The following ALMS1 variants were observed in gnomAD, a reference collection of about 807,000 sequenced individuals.
ALMS1 encodes the protein ALMS1 centrosome and basal body associated protein, also known as centrosome-associated protein ALMS1.
A neutral mutation model predicts 352.2 loss-of-function variants in ALMS1; 271 were observed. The observed-to-expected ratio is 0.77, with a 90% CI of 0.70 to 0.85. The LOEUF (loss-of-function observed/expected upper bound fraction) is 0.85, where lower values mean the gene tolerates loss of function less well. Ranked by LOEUF, ALMS1 falls within the 40% of genes least tolerant of loss-of-function variation. The pLI, the probability that ALMS1 is intolerant of heterozygous loss-of-function variation, is 0.00. For missense variants in ALMS1, 5,445 were observed against 4,870.7 expected (o/e 1.12, Z -3.51); for synonymous variants, 1,865 against 1,761.2 (o/e 1.06, Z -1.48).
Position 73,453,901 on chromosome 2 carries a change from TAGC to T in ALMS1, c.7377_7379del (p.Ser2459del), listed in dbSNP as rs1558651733. ...TTTCACCCAAGACAAGTATAACAGATAGCAGGGAGGAAGAGGGTGTGTCAGAGA... is the reference window on the plus strand; with the variant it reads ...TTTCACCCAAGACAAGTATAACAGATAGGGAGGAAGAGGGTGTGTCAGAGA... On this transcript the variant is annotated inframe_deletion, in exon 8 of 23. Coordinates refer to ENST00000613296, the MANE Select transcript of ALMS1 (RefSeq NM_001378454.1). The T allele has an allele frequency of 4.3e-6, 7 of 1,614,054 alleles. No individual in the cohort carries two copies. Among genetic ancestry groups the T allele is most frequent in the South Asian group, 1.1e-5 (1 of 91,070 alleles).
intron 2 of ALMS1, among the ~76,000 whole-genome samples, chr2:73,414,407 A>G (rs6726794): frequency 0.017 from 2,463 of 149,220 alleles, 68 homozygotes; most frequent in African/African-American, 0.057. Context: ...AGGACTTTAT[A>G]TGCAGAGTTA....
chr2:73,451,394 A>G lies in ALMS1; in HGVS notation c.4867A>G (p.Lys1623Glu). 1 of 1,613,972 alleles carries G rather than the reference A, an allele frequency of 6.2e-7. No homozygotes were observed. Among genetic ancestry groups the G allele is most frequent in the Non-Finnish European group, 8.5e-7 (1 of 1,179,974 alleles). ...GPLGSSALGE[K>E]PITFYRQALL... is the part of the protein sequence containing the mutation. ...TTTAGGTTCCAGTGCACTTGGAGAG[A>G]AGCCCATTACTTTCTACCGGCAGGC... The change falls in exon 8 of 23, where the codon AAG (lysine) becomes GAG (glutamate). Residue 1623 changes from lysine (K) to glutamate (E), a missense_variant. Transcript: ENST00000613296.
intron 9 of ALMS1, among the ~76,000 whole-genome samples, chr2:73,467,041 G>A (rs1230711155): frequency 1.3e-5 from 2 of 152,038 alleles, no homozygotes; most frequent in African/African-American, 4.8e-5. Context: ...ACTTTGAAAG[G>A]TAAAATAAAG....
chr2:73,450,768 C>G lies in ALMS1; in HGVS notation c.4241C>G (p.Pro1414Arg), dbSNP rs758836829. 3.7e-6 allele frequency: 6 copies of G among 1,613,204 alleles called. No individual in the cohort carries two copies. The Admixed American group carries it at 8.3e-5, about 22-fold the overall frequency. ...AAGAACGTTTCAGCGGTTCCTGGAC[C>G]AGGTGACCGGAAGACTGGGATACCA... The part of the protein sequence containing the change: ...EAKNVSAVPG[P>R]GDRKTGIPTL... The change falls in exon 8 of 23, where the codon CCA becomes CGA. Residue 1414 changes from proline to arginine, a missense_variant. Physicochemically the swap from Pro to Arg is moderately radical, Grantham distance 103. Transcript: ENST00000613296.
chr2:73,458,151 C>G (rs925592852), intron 9 of ALMS1: 4 of 148,532 alleles, frequency 2.7e-5, no homozygotes, highest in Non-Finnish European at 5.9e-5. Flanking sequence ...TTATGATTGA[C>G]TTTTTTCAGT....
At position 73,449,460 on chromosome 2, in the gene ALMS1, C is replaced by T; in HGVS notation, c.2933C>T (p.Ser978Phe). 1 of 1,614,068 alleles carries T rather than the reference C, an allele frequency of 6.2e-7. No individual in the cohort carries two copies. Among genetic ancestry groups the T allele is most frequent in the Non-Finnish European group, 8.5e-7 (1 of 1,179,986 alleles). ...CCAGACAGTGATCTACCTAGAGAAT[C>T]TCTGAAAATGTCTGCTATTCCTGGA... ...ELPDSDLPRESLKMSAIPGLT... is the reference protein window; with the variant it reads ...ELPDSDLPREFLKMSAIPGLT... The change falls in exon 8 of 23, where the codon TCT (serine) becomes TTT (phenylalanine). Residue 978 changes from serine to phenylalanine, a missense_variant. Ser to Phe is a radical substitution (Grantham distance 155, BLOSUM62 -2). Transcript: ENST00000613296.
chr2:73,534,759 C>T, intron 11 of ALMS1, 65 bp from the exon 12 acceptor site: 1 of 1,544,230 alleles, frequency 6.5e-7, no homozygotes, highest in East Asian at 2.3e-5. Context: ...AGAAGGCATT[C>T]CATATTTGTT....
At chr2:73,495,480 C>T (rs530130522) in intron 10 of ALMS1, among the ~76,000 whole-genome samples, 1 of 152,108 alleles carries the variant, frequency 6.6e-6, no homozygotes, top group Non-Finnish European at 1.5e-5. Context: ...AGGTGATCTG[C>T]CCACCTCGGC....
intron 1 of ALMS1, among the ~76,000 whole-genome samples, chr2:73,399,269 A>C (rs1458628255): frequency 6.6e-6 from 1 of 152,112 alleles, no homozygotes; most frequent in Non-Finnish European, 1.5e-5. Context: ...TATGACCTCC[A>C]ATACACTGTT....
intron 12 of ALMS1, among the ~76,000 whole-genome samples, chr2:73,540,742 G>A (rs972159554): frequency 6.6e-6 from 1 of 152,160 alleles, no homozygotes; most frequent in Non-Finnish European, 1.5e-5. Context: ...TGATAAAACA[G>A]ACTTTAAACC....
At chr2:73,437,641 A>G (rs1377501199) in intron 7 of ALMS1, among the ~76,000 whole-genome samples, 1 of 152,172 alleles carries the variant, frequency 6.6e-6, no homozygotes, top group African/African-American at 2.4e-5. Context: ...AAAATGGTAC[A>G]TCTCATTTCT....
chr2:73,449,084 G>T lies in ALMS1; in HGVS notation c.2557G>T (p.Val853Leu). 6.2e-7 allele frequency: 1 copy of T among 1,614,144 alleles called. No individual in the cohort carries two copies. Among genetic ancestry groups the T allele is most frequent in the Non-Finnish European group, 8.5e-7 (1 of 1,180,006 alleles). Residue 853 changes from valine to leucine, a missense_variant, in exon 8 of 23, where the codon GTA becomes TTA. By Grantham distance (32) the Val-to-Leu change is conservative. Transcript: ENST00000613296. Reference sequence around the variant, plus strand: ...TGACGGAAAGACTGGGACACCAGCTGTAACCTCTACTTCCTCTGCGTCCTC... The same window carrying T: ...TGACGGAAAGACTGGGACACCAGCTTTAACCTCTACTTCCTCTGCGTCCTC... The part of the protein sequence containing the change: ...PADGKTGTPA[V>L]TSTSSASSSL...
chr2:73,474,371 C>CTGTGTGTGTGTGTGTGTGTGTG (rs377039331), intron 9 of ALMS1, among the ~76,000 whole-genome samples: 1 of 95,470 alleles, frequency 1.0e-5, no homozygotes, highest in Admixed American at 1.2e-4. Context: ...CTTGTTGACT[C>CTGTGTGTGTGTGTGTGTGTGTG]TGTGTGTGTG....
rs369951914 is a variant in ALMS1 at position 73,414,163 on chromosome 2, A to G, written c.451-4960A>G. Among the ~76,000 whole-genome samples the G allele has an allele frequency of 4.7e-4, 72 of 152,248 alleles. No individual in the cohort carries two copies. The South Asian group carries it at 0.015, about 31-fold the overall frequency. Reference sequence around the variant, plus strand: ...GAGTTTTCTAATCCATAAACATGACAGTTCTCTTAGTTTATTATTTCTCTT... The same window carrying G: ...GAGTTTTCTAATCCATAAACATGACGGTTCTCTTAGTTTATTATTTCTCTT... On this transcript the variant is annotated intron_variant, in intron 2 of 22. Transcript: ENST00000613296.
chr2:73,410,653 C>A (rs1321761946), intron 2 of ALMS1, among the ~76,000 whole-genome samples: 1 of 152,208 alleles, frequency 6.6e-6, no homozygotes, highest in Non-Finnish European at 1.5e-5. Context: ...GGCTGTCATT[C>A]AGTCCCTGAA....
intron 10 of ALMS1, among the ~76,000 whole-genome samples, chr2:73,492,629 C>T (rs1673014453): frequency 6.6e-6 from 1 of 152,090 alleles, no homozygotes; most frequent in Non-Finnish European, 1.5e-5. Flanking sequence ...CTGAAAAGTC[C>T]CTTATAGCTC....
In ALMS1 at chr2:73,386,202, G is replaced by A; in HGVS notation, c.324+10G>A. The A allele has an allele frequency of 1.3e-6, 2 of 1,524,996 alleles. No individual in the cohort carries two copies. The highest frequency in any genetic ancestry group is 1.2e-5 in the South Asian group (1 of 82,340). The allele number at this position is 1,524,996 out of a possible 1,614,324, so 94.5% of individuals were successfully genotyped here. ...GACCTCCCTGGAGAAGGTGAGGCGG[G>A]CCGGGGAGGGGTGTGGAGCCGCGGC... On this transcript the variant is annotated intron_variant, in intron 1 of 22. Transcript: ENST00000613296.
Position 73,454,999 on chromosome 2 carries a change from A to G in ALMS1, c.7541-163A>G, listed in dbSNP as rs76317790. On this transcript the variant is annotated intron_variant, in intron 8 of 22. Transcript: ENST00000613296. ...GAAAATCAGACTTTGCAGTGAAAGG[A>G]TCTCTGTCAAGAATTTCTAATAGGT... is the stretch of plus-strand genomic sequence containing the variant. Among the ~76,000 whole-genome samples, 2,514 of 152,306 alleles carry G rather than the reference A, an allele frequency of 0.017. 70 individuals carry two copies. Among genetic ancestry groups the G allele is most frequent in the African/African-American group, 0.057 (2,378 of 41,554 alleles).
intron 13 of ALMS1, among the ~76,000 whole-genome samples, chr2:73,552,357 T>C (rs1435599543): frequency 6.6e-6 from 1 of 152,242 alleles, no homozygotes. Context: ...ATGAAAACTC[T>C]TCTGCACCAG....
Sources: allele counts gnomAD v4.1 joint callset (sites outside exome capture counted in the v4.1 genomes callset), GRCh38; gene constraint gnomAD v4.1.1; transcripts MANE v1.5; gene names NCBI Gene and HGNC (gene_info 2026-07-23, HGNC 2026-07-21).